The following UNC5D variants were observed in gnomAD, a reference collection of about 807,000 sequenced individuals.
UNC5D encodes unc-5 netrin receptor D.
Under a neutral mutation model 105.4 loss-of-function variants are expected in UNC5D, and 39 were observed. The observed-to-expected ratio is 0.37, with a 90% CI of 0.29 to 0.48. UNC5D has a LOEUF of 0.48. Among genes scored for constraint, UNC5D ranks in the 20% least tolerant of loss-of-function variants. The probability of loss-of-function intolerance (pLI) is 0.98; values close to 1 mark genes in which losing one functional copy is unlikely to be tolerated. For synonymous variants in UNC5D, 452 were observed against 450.4 expected (o/e 1.00, Z -0.04); for missense variants, 991 against 1,202.4 (o/e 0.82, Z 2.60).
rs148340661 is a variant in UNC5D, at chr8:35,251,675, C to T, written c.103+15788C>T. On this transcript the variant is annotated intron_variant, in intron 1 of 16. Transcript: ENST00000404895. ...AGGTTAGAGATTGTGCCATGTTTCT[C>T]TTGTGGACAAGAACATAGGGGCCCA... Among the ~76,000 whole-genome samples the T allele has an allele frequency of 2.8e-3, 430 of 152,284 alleles. 4 individuals are homozygous for T. Among genetic ancestry groups the T allele is most frequent in the African/African-American group, 9.9e-3 (410 of 41,562 alleles).
intron 9 of UNC5D, among the ~76,000 whole-genome samples, chr8:35,723,189 C>T (rs1328970334): frequency 6.6e-6 from 1 of 152,046 alleles, no homozygotes; most frequent in Non-Finnish European, 1.5e-5. Context: ...TCAGTGGTGC[C>T]TACAGCGCGG....
At chr8:35,547,410 T>C (rs549404438) in intron 1 of UNC5D, among the ~76,000 whole-genome samples, 1 of 151,948 alleles carries the variant, frequency 6.6e-6, no homozygotes, top group East Asian at 1.9e-4. Flanking sequence ...GCAATTCTCC[T>C]GCCTCAGCCT....
intron 3 of UNC5D, 92 bp from the exon 4 acceptor site, chr8:35,595,462 G>T: frequency 2.0e-6 from 2 of 988,236 alleles, no homozygotes; most frequent in South Asian, 1.4e-5. Context: ...TGTCTAGGTT[G>T]TGATATTAAG....
chr8:35,698,356 T>C (rs1444399446), intron 7 of UNC5D, among the ~76,000 whole-genome samples: 1 of 152,034 alleles, frequency 6.6e-6, no homozygotes, highest in Non-Finnish European at 1.5e-5. Flanking sequence ...ATTAGATTTC[T>C]AGGACTTCTT....
intron 4 of UNC5D, among the ~76,000 whole-genome samples, chr8:35,656,535 A>G (rs569944969): frequency 6.6e-5 from 10 of 152,354 alleles, no homozygotes; most frequent in African/African-American, 2.4e-4. Flanking sequence ...TGAACATACT[A>G]TCTATCTTTC....
At position 35,593,304 on chromosome 8, in the gene UNC5D, T is replaced by C. The variant is rs1022150720; in HGVS notation, c.467-2250T>C. On this transcript the variant is annotated intron_variant, in intron 3 of 16. Coordinates refer to ENST00000404895, the MANE Select transcript of UNC5D (RefSeq NM_080872.4). ...TCAAAGAAAGGACACAAAAGTAGAATGTAAATAGAAATTTGCACTATATGT... is the reference window on the plus strand; with the variant it reads ...TCAAAGAAAGGACACAAAAGTAGAACGTAAATAGAAATTTGCACTATATGT... 4.6e-5 allele frequency among the ~76,000 whole-genome samples: 7 copies of C among 152,306 alleles called. No homozygotes were observed. In the East Asian group the frequency reaches 7.7e-4, roughly 17 times the overall value.
chr8:35,325,562 A>G (rs1180053857), intron 1 of UNC5D, among the ~76,000 whole-genome samples: 1 of 152,192 alleles, frequency 6.6e-6, no homozygotes. Flanking sequence ...TATTATACCT[A>G]TAGTACTTAG....
At chr8:35,303,991 A>T (rs1408670405) in intron 1 of UNC5D, among the ~76,000 whole-genome samples, 1 of 152,138 alleles carries the variant, frequency 6.6e-6, no homozygotes. Flanking sequence ...TGTTAAAAAA[A>T]CAAAGGCTAT....
chr8:35,563,658 A>G (rs1817122400), intron 2 of UNC5D, among the ~76,000 whole-genome samples: 2 of 152,084 alleles, frequency 1.3e-5, no homozygotes, highest in Non-Finnish European at 2.9e-5. Flanking sequence ...ACTATGTTGA[A>G]TGAAAATATA....
At chr8:35,425,197 GA>G (rs1469642415) in intron 1 of UNC5D, among the ~76,000 whole-genome samples, 2 of 152,064 alleles carry the variant, frequency 1.3e-5, no homozygotes, top group Non-Finnish European at 2.9e-5. Flanking sequence ...AAAATAAAAA[GA>G]AAAAAGAAAT....
intron 11 of UNC5D, among the ~76,000 whole-genome samples, chr8:35,747,201 T>G (rs931423480): frequency 2.6e-5 from 4 of 152,192 alleles, no homozygotes; most frequent in African/African-American, 9.7e-5. Context: ...TTAGACGCAG[T>G]AGACATAAGA....
At chr8:35,425,981 A>G (rs1306690478) in intron 1 of UNC5D, among the ~76,000 whole-genome samples, 3 of 152,156 alleles carry the variant, frequency 2.0e-5, no homozygotes, top group East Asian at 1.9e-4. Context: ...AGCCTGACAC[A>G]TAACCCTCCA....
rs1822718422 is a variant in UNC5D at position 35,641,379 on chromosome 8, A to AG, written c.571-42168_571-42167insG. On this transcript the variant is annotated intron_variant, in intron 4 of 16. Coordinates refer to ENST00000404895, the MANE Select transcript of UNC5D (RefSeq NM_080872.4). ...AAAAAAATAAAGCAAAAAAAAAAAA[A>AG]AAAAAAGAAAAAAAAAAACAGCATC... Among the ~76,000 whole-genome samples, 3 of 150,554 alleles carry AG rather than the reference A, an allele frequency of 2.0e-5. No individual in the cohort carries two copies. The South Asian group carries it at 6.3e-4, about 31-fold the overall frequency.
intron 1 of UNC5D, among the ~76,000 whole-genome samples, chr8:35,489,577 A>G (rs1451892520): frequency 1.3e-5 from 2 of 152,204 alleles, no homozygotes; most frequent in African/African-American, 4.8e-5. Flanking sequence ...CAGGAAAAAT[A>G]AATTTGCCAA....
chr8:35,404,115 G>T (rs1804652194), intron 1 of UNC5D, among the ~76,000 whole-genome samples: 1 of 152,206 alleles, frequency 6.6e-6, no homozygotes, highest in Admixed American at 6.5e-5. Flanking sequence ...GAAGTTGCTA[G>T]AGCCTCTCTT....
At chr8:35,774,901 T>C (rs905474736) in intron 16 of UNC5D, among the ~76,000 whole-genome samples, 2 of 139,146 alleles carry the variant, frequency 1.4e-5, no homozygotes, top group Non-Finnish European at 3.0e-5. Context: ...CACTCCAGCA[T>C]GGGCAACAGA....
At chr8:35,510,235 T>G (rs1384893613) in intron 1 of UNC5D, among the ~76,000 whole-genome samples, 1 of 151,496 alleles carries the variant, frequency 6.6e-6, no homozygotes, top group Non-Finnish European at 1.5e-5. Context: ...AGCCTTGGTC[T>G]TGGTCTTTCC....
chr8:35,568,362 A>T, intron 3 of UNC5D, 121 bp downstream of exon 3: 1 of 1,322,478 alleles, frequency 7.6e-7, no homozygotes, highest in Admixed American at 2.7e-5. Flanking sequence ...TCTTAAATTT[A>T]CTCTTCTAAA....
At chr8:35,273,372 G>C (rs894182192) in intron 1 of UNC5D, among the ~76,000 whole-genome samples, 5 of 152,208 alleles carry the variant, frequency 3.3e-5, no homozygotes, top group Non-Finnish European at 7.3e-5. Flanking sequence ...ATAGATAGGT[G>C]TTTCAAGATG....
Sources: allele counts gnomAD v4.1 joint callset (sites outside exome capture counted in the v4.1 genomes callset), GRCh38; gene constraint gnomAD v4.1.1; transcripts MANE v1.5; gene names NCBI Gene and HGNC (gene_info 2026-07-23, HGNC 2026-07-21).